Variants in CFAP77 observed in about 807,000 individuals in gnomAD.
The protein encoded by CFAP77 is cilia and flagella associated protein 77, also known as cilia- and flagella-associated protein 77.
CFAP77 carries 25 observed loss-of-function variants against 31.1 expected under a neutral mutation model. The ratio of observed to expected loss-of-function variants is 0.80; its 90% CI spans 0.59 to 1.12. The LOEUF (loss-of-function observed/expected upper bound fraction) is 1.12. CFAP77 is among the 50% of genes most tolerant of loss of function. The pLI is 0.00. For missense variants in CFAP77, 377 were observed against 397.3 expected, an observed-to-expected ratio of 0.95 and a Z score of 0.44; for synonymous variants, 151 against 159.9, an observed-to-expected ratio of 0.94 and a Z score of 0.42.
intron 1 of CFAP77, among the ~76,000 whole-genome samples, chr9:132,488,648 T>A (rs1186082908): frequency 6.6e-6 from 1 of 152,316 alleles, no homozygotes; most frequent in African/African-American, 2.4e-5. Context: ...AGCAACAGCC[T>A]GTGGGAAATG....
chr9:132,555,657 G>A (rs543719682), intron 5 of CFAP77, among the ~76,000 whole-genome samples: 3 of 152,222 alleles, frequency 2.0e-5, no homozygotes, highest in African/African-American at 4.8e-5. Context: ...CAGGGAGCTG[G>A]TGTCTCCTCC....
rs1273056994 is a variant in CFAP77, at chr9:132,501,491, C to A, written c.524+1891C>A. Among the ~76,000 whole-genome samples, 1 of 151,998 alleles carries A rather than the reference C, an allele frequency of 6.6e-6. No individual in the cohort carries two copies. Among genetic ancestry groups the A allele is most frequent in the Non-Finnish European group, 1.5e-5 (1 of 67,996 alleles). On this transcript the variant is annotated intron_variant, in intron 3 of 5. Coordinates refer to ENST00000393216, the MANE Select transcript of CFAP77 (RefSeq NM_001282957.2). The surrounding 1 kb of genome is among the most constrained non-coding windows in gnomAD (Gnocchi z 4.6). Reference sequence around the variant, plus strand: ...TCAGCTCACTGCAACCTCTGTCTCCCTTCCAGGTTCCAGTGATTCTCCTGC... The same window carrying A: ...TCAGCTCACTGCAACCTCTGTCTCCATTCCAGGTTCCAGTGATTCTCCTGC...
chr9:132,488,652 G>A (rs543320207), intron 1 of CFAP77, among the ~76,000 whole-genome samples: 81 of 152,340 alleles, frequency 5.3e-4, no homozygotes, highest in African/African-American at 1.9e-3. Flanking sequence ...ACAGCCTGTG[G>A]GAAATGCTAC....
At chr9:132,537,834 G>C (rs2040718808) in intron 4 of CFAP77, 128 bp downstream of exon 4, 1 of 678,468 alleles carries the variant, frequency 1.5e-6, no homozygotes, top group African/African-American at 1.8e-5. Flanking sequence ...AAATCAGGTT[G>C]CATCTTCTGC....
At chr9:132,457,170 C>G (rs535654592) in intron 1 of CFAP77, among the ~76,000 whole-genome samples, 8 of 152,106 alleles carry the variant, frequency 5.3e-5, no homozygotes, top group Admixed American at 5.2e-4. Context: ...AAGATGAGGC[C>G]AAGGTTTGCG....
Position 132,486,016 on chromosome 9 carries a change from ATATATATATATATATATATATATATG to A in CFAP77, c.196-12675_196-12650del, listed in dbSNP as rs1185462835. Among the ~76,000 whole-genome samples, 23 of 16,348 alleles carry A rather than the reference ATATATATATATATATATATATATATG, an allele frequency of 1.4e-3. 1 individual carries two copies. Among genetic ancestry groups the A allele is most frequent in the Middle Eastern group, 0.026 (1 of 38 alleles). 10.7% of individuals were successfully genotyped at this position (16,348 alleles called of 152,430 possible). A position where few individuals can be genotyped will look rare whatever the true frequency, so the allele number is the denominator to read the frequency against. On this transcript the variant is annotated intron_variant, in intron 1 of 5. Coordinates refer to ENST00000393216, the MANE Select transcript of CFAP77 (RefSeq NM_001282957.2). ...TATATATATATATATATATATATATATATATATATATATATATATATATATGTATGTATATGTATGTGTGTGTGTGT... is the reference window on the plus strand; with the variant it reads ...TATATATATATATATATATATATATATATGTATATGTATGTGTGTGTGTGT...
At chr9:132,423,375 C>T (rs1394414256) in intron 1 of CFAP77, among the ~76,000 whole-genome samples, 1 of 152,172 alleles carries the variant, frequency 6.6e-6, no homozygotes, top group Non-Finnish European at 1.5e-5. Context: ...TGGCTGTAGA[C>T]CATTTGATCA....
At position 132,457,552 on chromosome 9, in the gene CFAP77, G is replaced by A. The variant is rs1054844230; in HGVS notation, c.196-41143G>A. On this transcript the variant is annotated intron_variant, in intron 1 of 5. Coordinates refer to ENST00000393216, the MANE Select transcript of CFAP77 (RefSeq NM_001282957.2). ...TTGTAATGCAGCCTTGGGAAAGATG[G>A]TGCTTAGTGCAGGGAGAAATACATC... Among the ~76,000 whole-genome samples, 3 of 152,336 alleles carry A rather than the reference G, an allele frequency of 2.0e-5. No homozygotes were observed. In the South Asian group the frequency reaches 6.2e-4, roughly 32 times the overall value.
chr9:132,461,944 G>A (rs1024985008), intron 1 of CFAP77, among the ~76,000 whole-genome samples: 1 of 152,240 alleles, frequency 6.6e-6, no homozygotes, highest in African/African-American at 2.4e-5. Flanking sequence ...CTCTGCAAAT[G>A]TTAAGGAGGA....
rs933488689 is a variant in CFAP77, at chr9:132,502,834, C to A, written c.524+3234C>A. Among the ~76,000 whole-genome samples the A allele has an allele frequency of 2.6e-5, 4 of 152,204 alleles. No homozygotes were observed. The East Asian group carries it at 7.7e-4, about 29-fold the overall frequency. Reference sequence around the variant, plus strand: ...GGGTGTAGACCCCGTAGTGGGATTGCGGGATCAGGTGGTAATCGTGTTTTA... The same window carrying A: ...GGGTGTAGACCCCGTAGTGGGATTGAGGGATCAGGTGGTAATCGTGTTTTA... On this transcript the variant is annotated intron_variant, in intron 3 of 5. Coordinates refer to ENST00000393216, the MANE Select transcript of CFAP77 (RefSeq NM_001282957.2).
intron 1 of CFAP77, among the ~76,000 whole-genome samples, chr9:132,454,390 CT>C (rs1850878869): frequency 6.6e-6 from 1 of 152,140 alleles, no homozygotes; most frequent in South Asian, 2.1e-4. Flanking sequence ...AGTTCGATTT[CT>C]TTGAACTTTT....
At chr9:132,502,851 C>T (rs1250502852) in intron 3 of CFAP77, among the ~76,000 whole-genome samples, 1 of 152,090 alleles carries the variant, frequency 6.6e-6, no homozygotes, top group African/African-American at 2.4e-5. Flanking sequence ...AGGTGGTAAT[C>T]GTGTTTTAAG....
chr9:132,556,733 C>G (rs960826145), intron 5 of CFAP77, among the ~76,000 whole-genome samples: 3 of 152,208 alleles, frequency 2.0e-5, no homozygotes, highest in African/African-American at 7.2e-5. Flanking sequence ...AGTGGGCGAT[C>G]ATTTTGGGCC....
At chr9:132,561,661 A>AC (rs869156683) in intron 5 of CFAP77, among the ~76,000 whole-genome samples, 3 of 46,460 alleles carry the variant, frequency 6.5e-5, no homozygotes, top group East Asian at 4.2e-4. Context: ...ACACACACAC[A>AC]CCCCCTCCAT....
At chr9:132,457,314 G>A (rs1015496834) in intron 1 of CFAP77, among the ~76,000 whole-genome samples, 1 of 148,054 alleles carries the variant, frequency 6.8e-6, no homozygotes, top group African/African-American at 2.5e-5. Flanking sequence ...GGGGGTGGGG[G>A]GGCGGGGGGA....
At chr9:132,438,541 ATTTT>A (rs10641294) in intron 1 of CFAP77, among the ~76,000 whole-genome samples, 14 of 108,120 alleles carry the variant, frequency 1.3e-4, no homozygotes, top group Admixed American at 3.7e-4. Flanking sequence ...ATATATATAT[ATTTT>A]TTTTTTTTTT....
chr9:132,523,725 T>C (rs940830901), intron 3 of CFAP77, among the ~76,000 whole-genome samples: 1 of 152,234 alleles, frequency 6.6e-6, no homozygotes, highest in Non-Finnish European at 1.5e-5. Flanking sequence ...TTCTGGTCAC[T>C]TCTAATTACA....
chr9:132,509,938 C>T (rs1246693403), intron 3 of CFAP77, among the ~76,000 whole-genome samples: 1 of 152,216 alleles, frequency 6.6e-6, no homozygotes, highest in Non-Finnish European at 1.5e-5. Flanking sequence ...ACTCCTGCTG[C>T]TCCTTCCTCC....
In CFAP77 at chr9:132,499,376, C is replaced by T. The variant is rs201835993; in HGVS notation, c.300C>T (p.Ile100=). Residue 100 remains isoleucine (I), a synonymous_variant, in exon 3 of 6, where the codon ATC becomes ATT. Coordinates refer to ENST00000393216, the MANE Select transcript of CFAP77 (RefSeq NM_001282957.2). This position sits in a 1 kb window ranked among gnomAD's most constrained non-coding sequence, Gnocchi z 5.4. ...TGGGTCTCTCCCTGCCCTCAGCCAT[C>T]GGACGCTGGAACGTGTTCAAGCAGC... The part of the protein sequence containing the change: ...RGLDGGVPEA[I]GRWNVFKQQP... 17 of 1,613,920 alleles carry T rather than the reference C, an allele frequency of 1.1e-5. No homozygotes were observed. The highest frequency in any genetic ancestry group is 5.0e-5 in the Admixed American group (3 of 60,006).
Sources: gnomAD v4.1 joint callset for allele counts (sites outside exome capture counted in the v4.1 genomes callset) on GRCh38, gnomAD v4.1.1 for gene constraint, Gnocchi (gnomAD v3.1) non-coding constraint, MANE v1.5 for transcripts, NCBI Gene and HGNC (gene_info 2026-07-23, HGNC 2026-07-21) for gene names.